Variants in CPNE4 observed in about 807,000 individuals in gnomAD.
CPNE4 encodes the protein copine-4.
A neutral mutation model predicts 67.9 loss-of-function variants in CPNE4; 25 were observed. The ratio of observed to expected loss-of-function variants is 0.37; its 90% CI spans 0.27 to 0.51. The LOEUF (loss-of-function observed/expected upper bound fraction) is 0.51, where lower values mean the gene tolerates loss of function less well. Ranked by LOEUF, CPNE4 falls within the 20% of genes least tolerant of loss-of-function variation. The pLI is 0.93. For missense variants in CPNE4, 464 were observed against 690.8 expected, an observed-to-expected ratio of 0.67 and a Z score of 3.68; for synonymous variants, 242 against 244.9, an observed-to-expected ratio of 0.99 and a Z score of 0.11.
At chr3:131,688,670 TC>T (rs1322551944) in intron 5 of CPNE4, among the ~76,000 whole-genome samples, 1 of 152,154 alleles carries the variant, frequency 6.6e-6, no homozygotes, top group Non-Finnish European at 1.5e-5. Flanking sequence ...AAGAACTTTC[TC>T]ATTTTTTCCC....
chr3:131,967,799 T>G (rs2072393771), intron 1 of CPNE4, among the ~76,000 whole-genome samples: 1 of 152,198 alleles, frequency 6.6e-6, no homozygotes, highest in Non-Finnish European at 1.5e-5. Flanking sequence ...ATTTATAGAT[T>G]CAATGCTGTT....
chr3:132,010,349 C>A (rs2369360), intron 1 of CPNE4, among the ~76,000 whole-genome samples: 127,488 of 152,144 alleles, frequency 0.84, 54,508 homozygotes, highest in Non-Finnish European at 0.93. Flanking sequence ...GGAGGAAAAA[C>A]GAACAAAATA....
At chr3:131,822,980 A>T (rs1390713468) in intron 2 of CPNE4, among the ~76,000 whole-genome samples, 1 of 152,108 alleles carries the variant, frequency 6.6e-6, no homozygotes, top group East Asian at 1.9e-4. Flanking sequence ...CTGGGACTAC[A>T]GGCATGTGCC....
intron 1 of CPNE4, among the ~76,000 whole-genome samples, chr3:131,934,545 T>C (rs1035088781): frequency 6.6e-6 from 1 of 152,182 alleles, no homozygotes; most frequent in Admixed American, 6.5e-5. Context: ...GTATTTCTCC[T>C]AATGCTATCA....
chr3:131,537,369 C>T (rs964027632), intron 15 of CPNE4, among the ~76,000 whole-genome samples: 16 of 151,010 alleles, frequency 1.1e-4, no homozygotes, highest in Non-Finnish European at 1.8e-4. Flanking sequence ...CTGTAACCTC[C>T]GCTTCCCGGA....
chr3:132,016,335 C>A (rs915086429), intron 1 of CPNE4, among the ~76,000 whole-genome samples: 1 of 152,198 alleles, frequency 6.6e-6, no homozygotes, highest in African/African-American at 2.4e-5. Context: ...TTTGGAATTT[C>A]AACCACCGAT....
chr3:131,648,198 C>A (rs2079713824), intron 7 of CPNE4, among the ~76,000 whole-genome samples: 1 of 152,106 alleles, frequency 6.6e-6, no homozygotes, highest in Non-Finnish European at 1.5e-5. Flanking sequence ...ATAGTGAAAT[C>A]CTAACTCTAC....
chr3:131,787,328 C>A (rs2083593940), intron 2 of CPNE4, among the ~76,000 whole-genome samples: 1 of 152,136 alleles, frequency 6.6e-6, no homozygotes, highest in African/African-American at 2.4e-5. Context: ...ACAGAAATAA[C>A]AGGATTCAGC....
intron 2 of CPNE4, among the ~76,000 whole-genome samples, chr3:131,799,714 C>G (rs1031766332): frequency 3.3e-5 from 5 of 152,120 alleles, no homozygotes; most frequent in African/African-American, 7.2e-5. Flanking sequence ...TGCAATCACT[C>G]ACTGGTAAAA....
At chr3:131,951,300 T>C (rs1364934682) in intron 1 of CPNE4, among the ~76,000 whole-genome samples, 2 of 152,204 alleles carry the variant, frequency 1.3e-5, no homozygotes, top group African/African-American at 4.8e-5. Context: ...AATTGATTAC[T>C]GTTGACATAG....
At chr3:131,577,923 T>C (rs1487847005) in intron 9 of CPNE4, among the ~76,000 whole-genome samples, 3 of 152,110 alleles carry the variant, frequency 2.0e-5, no homozygotes, top group Non-Finnish European at 4.4e-5. Flanking sequence ...CATAAATACA[T>C]GTATATACAA....
At chr3:131,776,580 G>A (rs1045166022) in intron 2 of CPNE4, among the ~76,000 whole-genome samples, 2 of 152,112 alleles carry the variant, frequency 1.3e-5, no homozygotes, top group Non-Finnish European at 2.9e-5. Context: ...GCTTCAAACT[G>A]ATGTACTGAG....
intron 1 of CPNE4, among the ~76,000 whole-genome samples, chr3:131,943,245 T>C (rs2071452858): frequency 6.6e-6 from 1 of 152,158 alleles, no homozygotes; most frequent in South Asian, 2.1e-4. Flanking sequence ...AAAGCCTAAA[T>C]AGCCTCCTGT....
At chr3:131,700,052 A>AT in intron 3 of CPNE4, 72 bp from the exon 4 acceptor site, 1 of 644,004 alleles carries the variant, frequency 1.6e-6, no homozygotes, top group Non-Finnish European at 2.3e-6. Context: ...TATTTTTTAA[A>AT]CCTTTTTTTT....
At chr3:131,931,887 T>C (rs891105544) in intron 1 of CPNE4, among the ~76,000 whole-genome samples, 6 of 152,166 alleles carry the variant, frequency 3.9e-5, no homozygotes, top group Admixed American at 3.3e-4. Context: ...GTTCTAATAT[T>C]ATATTATTCT....
chr3:132,026,346 C>T (rs891711408), intron 1 of CPNE4, among the ~76,000 whole-genome samples: 1 of 152,136 alleles, frequency 6.6e-6, no homozygotes, highest in African/African-American at 2.4e-5. Flanking sequence ...TATGAATAAC[C>T]ATGTTACAAG....
chr3:131,953,255 A>T (rs1243874685), intron 1 of CPNE4, among the ~76,000 whole-genome samples: 21 of 149,994 alleles, frequency 1.4e-4, no homozygotes, highest in Admixed American at 3.3e-4. Flanking sequence ...AAAAAAAAAA[A>T]AAAAAAAAAA....
chr3:131,932,257 C>G (rs2071084789), intron 1 of CPNE4, among the ~76,000 whole-genome samples: 1 of 152,274 alleles, frequency 6.6e-6, no homozygotes, highest in African/African-American at 2.4e-5. Flanking sequence ...TCCAAGGTCA[C>G]AGTATAGAAT....
intron 7 of CPNE4, among the ~76,000 whole-genome samples, chr3:131,593,655 T>G (rs1938668270): frequency 6.6e-6 from 1 of 152,168 alleles, no homozygotes; most frequent in African/African-American, 2.4e-5. Context: ...TGTTTGCCTT[T>G]TATTTTATCT....
Sources: allele counts gnomAD v4.1 joint callset (sites outside exome capture counted in the v4.1 genomes callset), GRCh38; gene constraint gnomAD v4.1.1; transcripts MANE v1.5; gene names NCBI Gene and HGNC (gene_info 2026-07-23, HGNC 2026-07-21).